BAZ1A: variants seen among roughly 807,000 people sequenced by gnomAD.
BAZ1A encodes the protein bromodomain adjacent to zinc finger domain 1A.
In BAZ1A, 50 loss-of-function variants were observed where a neutral mutation model predicts 185.2. The observed-to-expected ratio is 0.27, with a 90% CI of 0.22 to 0.34. BAZ1A has a LOEUF of 0.34. Ranked by LOEUF, BAZ1A falls within the 10% of genes least tolerant of loss-of-function variation. The pLI, the probability that BAZ1A is intolerant of heterozygous loss-of-function variation, is 1.00. For missense variants in BAZ1A, 1,356 were observed against 1,839.9 expected (o/e 0.74, Z 4.81); for synonymous variants, 571 against 615.6 (o/e 0.93, Z 1.07).
chr14:34,766,025 C>A (rs577950391), intron 21 of BAZ1A, among the ~76,000 whole-genome samples: 1 of 152,126 alleles, frequency 6.6e-6, no homozygotes, highest in African/African-American at 2.4e-5. Flanking sequence ...CAAATAAAAC[C>A]TCTTGGGCAG....
At chr14:34,866,502 A>AAAAAAAAAAAAAAAAAG in intron 2 of BAZ1A, among the ~76,000 whole-genome samples, 32 of 79,516 alleles carry the variant, frequency 4.0e-4, no homozygotes, top group South Asian at 1.3e-3. Context: ...AAAAAAAAAA[A>AAAAAAAAAAAAAAAAAG]GAAAAAAGTT....
At position 34,840,954 on chromosome 14, in the gene BAZ1A, A is replaced by AT. The variant is rs869273462; in HGVS notation, c.393-14799dup. On this transcript the variant is annotated intron_variant, in intron 3 of 26. Coordinates refer to ENST00000360310, the MANE Select transcript of BAZ1A (RefSeq NM_013448.3). Reference sequence around the variant, plus strand: ...GTACATTTATAACAACAAAATCAATATTTTTTTTTTTGAGATGGAGTTTCG... The same window carrying AT: ...GTACATTTATAACAACAAAATCAATATTTTTTTTTTTTGAGATGGAGTTTCG... Among the ~76,000 whole-genome samples the AT allele has an allele frequency of 3.9e-4, 37 of 95,048 alleles. No homozygotes were observed. The South Asian group carries it at 6.7e-3, about 17-fold the overall frequency. The allele number at this position is 95,048 out of a possible 152,430, so 62.4% of individuals were successfully genotyped here. A position where few individuals can be genotyped will look rare whatever the true frequency, so the allele number is the denominator to read the frequency against.
Position 34,785,811 on chromosome 14 carries a change from T to C in BAZ1A, c.1797A>G (p.Lys599=), listed in dbSNP as rs368346530. 5.6e-6 allele frequency: 9 copies of C among 1,613,854 alleles called. No individual in the cohort carries two copies. In the African/African-American group the frequency reaches 9.3e-5, roughly 17 times the overall value. ...LRLSNPSLVK[K]LSSTSVYDLT... Reference sequence around the variant, plus strand: ...AATCATACACTGAGGTGCTTGACAGTTTCTTCACTAGACTGGGATTGCTCA... The same window carrying C: ...AATCATACACTGAGGTGCTTGACAGCTTCTTCACTAGACTGGGATTGCTCA... Residue 599 remains lysine, a synonymous_variant, in exon 14 of 27, where the codon AAA becomes AAG. Transcript: ENST00000360310.
chr14:34,802,413 G>C (rs1881617523), intron 7 of BAZ1A, among the ~76,000 whole-genome samples: 1 of 152,120 alleles, frequency 6.6e-6, no homozygotes, highest in South Asian at 2.1e-4. Context: ...GGCTAGTCTA[G>C]AACTCCAAGA....
chr14:34,875,303 C>T lies in BAZ1A; in HGVS notation c.-224G>A. ...CCGCGCGGGGAATTGCGTCCCACCG[C>T]CACTTCCCCGCCTCTCGGAGCTCCT... On this transcript the variant is annotated 5_prime_UTR_variant, in exon 1 of 27. Coordinates refer to ENST00000360310, the MANE Select transcript of BAZ1A (RefSeq NM_013448.3). 1 of 455,958 alleles carries T rather than the reference C, an allele frequency of 2.2e-6. No homozygotes were observed. The highest frequency in any genetic ancestry group is 4.4e-6 in the Non-Finnish European group (1 of 226,730). The allele number at this position is 455,958 out of a possible 1,614,324, so 28.2% of individuals were successfully genotyped here. A position where few individuals can be genotyped will look rare whatever the true frequency, so the allele number is the denominator to read the frequency against.
chr14:34,872,941 A>AAAACAAAAACAAAAAAAAAAACAAC (rs1555346584), intron 2 of BAZ1A, among the ~76,000 whole-genome samples: 1 of 122,620 alleles, frequency 8.2e-6, no homozygotes, highest in Non-Finnish European at 1.7e-5. Flanking sequence ...AAAAAAAAAA[A>AAAACAAAAACAAAAAAAAAAACAAC]CTTGTCCAAT....
chr14:34,755,986 A>AT (rs1181404075), intron 25 of BAZ1A, among the ~76,000 whole-genome samples: 2 of 137,074 alleles, frequency 1.5e-5, no homozygotes, highest in East Asian at 2.2e-4. Context: ...ACACTCGGCT[A>AT]TTTTTTTTCT....
rs1878749489 is a variant in BAZ1A at position 34,765,124 on chromosome 14, G to C, written c.3446C>G (p.Ala1149Gly). 1 of 1,613,934 alleles carries C rather than the reference G, an allele frequency of 6.2e-7. No homozygotes were observed. The change falls in exon 22 of 27, where the codon GCG (alanine) becomes GGG (glycine). Residue 1149 changes from alanine (A) to glycine (G), a missense_variant. Ala to Gly is a moderately conservative substitution (Grantham distance 60, BLOSUM62 0). Coordinates refer to ENST00000360310, the MANE Select transcript of BAZ1A (RefSeq NM_013448.3). ...SVIWSKSILN[A>G]RCKICRKKGD... ...TTTCTTTCGACATATCTTGCAACGC[G>C]CATTCAGTATAGATTTAGACCATAT... is the stretch of plus-strand genomic sequence containing the variant.
chr14:34,845,722 G>A (rs112145978), intron 3 of BAZ1A, among the ~76,000 whole-genome samples: 9,479 of 152,004 alleles, frequency 0.062, 394 homozygotes, highest in Non-Finnish European at 0.097. Flanking sequence ...TTAGCAGGGC[G>A]TGGTGGCGTG....
chr14:34,843,567 T>C (rs1350928646), intron 3 of BAZ1A, among the ~76,000 whole-genome samples: 4 of 152,118 alleles, frequency 2.6e-5, no homozygotes, highest in Admixed American at 6.6e-5. Flanking sequence ...TCTAAGAACA[T>C]TGCAGCCAAC....
chr14:34,814,513 G>A (rs866565518), intron 4 of BAZ1A, among the ~76,000 whole-genome samples: 23 of 151,924 alleles, frequency 1.5e-4, no homozygotes, highest in African/African-American at 2.4e-4. Flanking sequence ...CGGTGGTCCA[G>A]GCTGGAATAC....
chr14:34,808,922 G>C (rs2041889687), intron 5 of BAZ1A, among the ~76,000 whole-genome samples: 1 of 152,084 alleles, frequency 6.6e-6, no homozygotes, highest in Non-Finnish European at 1.5e-5. Flanking sequence ...TTAAGTAGTG[G>C]CCTTCCCAAA....
chr14:34,821,247 C>T (rs79959983), intron 4 of BAZ1A, among the ~76,000 whole-genome samples: 5 of 152,210 alleles, frequency 3.3e-5, no homozygotes, highest in East Asian at 3.9e-4. Flanking sequence ...TTCCTAATTC[C>T]GAACTTCCAT....
At chr14:34,829,509 G>C (rs2042210519) in intron 3 of BAZ1A, among the ~76,000 whole-genome samples, 1 of 151,932 alleles carries the variant, frequency 6.6e-6, no homozygotes, top group South Asian at 2.1e-4. Flanking sequence ...CTTCTCTCAG[G>C]ACTTATTCAT....
At chr14:34,842,921 C>G (rs2042439252) in intron 3 of BAZ1A, among the ~76,000 whole-genome samples, 1 of 151,944 alleles carries the variant, frequency 6.6e-6, no homozygotes, top group Admixed American at 6.6e-5. Flanking sequence ...TCCCAAAGCC[C>G]TAGGGCTCAT....
rs200495690 is a variant in BAZ1A, at chr14:34,756,065, TCCTGGGCTCAAGCG to T, written c.4387-1165_4387-1152del. Among the ~76,000 whole-genome samples the T allele has an allele frequency of 9.0e-3, 1,359 of 150,778 alleles. 25 individuals are homozygous for T. Among genetic ancestry groups the T allele is most frequent in the African/African-American group, 0.031 (1,277 of 40,876 alleles). On this transcript the variant is annotated intron_variant, in intron 25 of 26. Transcript: ENST00000360310. Reference sequence around the variant, plus strand: ...CATGTTGGTTAGGCTGGTCTCAAACTCCTGGGCTCAAGCGATCCACCTGCCTCAGCCTCCCAAAC... The same window carrying T: ...CATGTTGGTTAGGCTGGTCTCAAACTATCCACCTGCCTCAGCCTCCCAAAC...
chr14:34,761,078 A>G (rs990160562), intron 24 of BAZ1A, among the ~76,000 whole-genome samples: 4 of 152,134 alleles, frequency 2.6e-5, no homozygotes, highest in African/African-American at 9.7e-5. Flanking sequence ...CAGGAGTTCA[A>G]GACCAGCCTG....
chr14:34,840,808 A>G (rs1437681610), intron 3 of BAZ1A, among the ~76,000 whole-genome samples: 4 of 151,768 alleles, frequency 2.6e-5, no homozygotes, highest in African/African-American at 9.7e-5. Context: ...AAAAACTTAT[A>G]CTTATTACTC....
At chr14:34,798,449 T>C (rs1235839178) in intron 9 of BAZ1A, among the ~76,000 whole-genome samples, 9 of 152,098 alleles carry the variant, frequency 5.9e-5, no homozygotes, top group Admixed American at 3.3e-4. Context: ...ATCATATGGG[T>C]AGGTGCCCCT....
Sources: allele counts gnomAD v4.1 joint callset (sites outside exome capture counted in the v4.1 genomes callset), GRCh38; gene constraint gnomAD v4.1.1; transcripts MANE v1.5; gene names NCBI Gene and HGNC (gene_info 2026-07-23, HGNC 2026-07-21).